The following ADAM23 variants were observed in gnomAD, a reference collection of about 807,000 sequenced individuals.
ADAM23 encodes the protein disintegrin and metalloproteinase domain-containing protein 23.
Under a neutral mutation model 120.1 loss-of-function variants are expected in ADAM23, and 33 were observed. The observed-to-expected ratio is 0.27, with a 90% confidence interval of 0.21 to 0.37. The LOEUF is 0.37. ADAM23 is among the 10% of genes least tolerant of loss of function. ADAM23 has a pLI of 1.00. For missense variants in ADAM23, 862 were observed against 1,058.2 expected, an observed-to-expected ratio of 0.81 and a Z score of 2.57; for synonymous variants, 367 against 375.2, an observed-to-expected ratio of 0.98 and a Z score of 0.25.
In ADAM23 at chr2:206,609,680, G is replaced by A; in HGVS notation, c.2360-230G>A. 3 of 462,984 alleles carry A rather than the reference G, an allele frequency of 6.5e-6. 1 individual carries two copies. The South Asian group carries it at 9.0e-5, about 14-fold the overall frequency. 28.7% of individuals were successfully genotyped at this position (462,984 alleles called of 1,614,324 possible). A position where few individuals can be genotyped will look rare whatever the true frequency, so the allele number is the denominator to read the frequency against. On this transcript the variant is annotated intron_variant, in intron 24 of 25. Transcript: ENST00000264377. ...AATTCTGTGAAAGGTGAATTTAATG[G>A]AACTTAATTGTCAATGGTGCAGAAA...
intron 25 of ADAM23, among the ~76,000 whole-genome samples, chr2:206,615,871 T>C (rs1219019753): frequency 1.3e-5 from 2 of 152,244 alleles, no homozygotes; most frequent in Non-Finnish European, 1.5e-5. Flanking sequence ...AAAAGTGGAC[T>C]GCATTGCTGT....
chr2:206,485,766 CAA>C (rs985952577), intron 3 of ADAM23, among the ~76,000 whole-genome samples: 34 of 152,130 alleles, frequency 2.2e-4, no homozygotes, highest in African/African-American at 7.0e-4. Flanking sequence ...GAGGAGGAGG[CAA>C]ACAGTGGGCC....
intron 4 of ADAM23, among the ~76,000 whole-genome samples, chr2:206,536,380 A>G (rs1697176108): frequency 6.6e-6 from 1 of 151,964 alleles, no homozygotes; most frequent in South Asian, 2.1e-4. Flanking sequence ...AAAAACCACA[A>G]ATACTTTTGC....
intron 13 of ADAM23, among the ~76,000 whole-genome samples, chr2:206,562,852 A>G (rs2105823853): frequency 6.6e-6 from 1 of 152,334 alleles, no homozygotes; most frequent in South Asian, 2.1e-4. Context: ...GCAGGTCCAA[A>G]AAGGAGAACC....
At chr2:206,610,869 C>T (rs1277398501) in intron 25 of ADAM23, among the ~76,000 whole-genome samples, 10 of 152,106 alleles carry the variant, frequency 6.6e-5, no homozygotes, top group African/African-American at 2.4e-4. Context: ...TCCTGTGCCT[C>T]CTGTGATAAA....
chr2:206,560,665 C>A (rs1163261599), intron 11 of ADAM23, among the ~76,000 whole-genome samples: 1 of 152,160 alleles, frequency 6.6e-6, no homozygotes, highest in Non-Finnish European at 1.5e-5. Flanking sequence ...CTTCCCCAGT[C>A]ATGGCAAAGC....
intron 25 of ADAM23, among the ~76,000 whole-genome samples, chr2:206,612,335 A>G (rs543664077): frequency 6.6e-6 from 1 of 152,372 alleles, no homozygotes; most frequent in South Asian, 2.1e-4. Context: ...GATAATTCGT[A>G]AGTATAATTA....
chr2:206,586,372 G>A (rs1698321887), intron 18 of ADAM23, among the ~76,000 whole-genome samples: 1 of 152,118 alleles, frequency 6.6e-6, no homozygotes, highest in Admixed American at 6.5e-5. Flanking sequence ...CAGGGTGTGA[G>A]CAGTGGAGGT....
chr2:206,560,371 G>A (rs562714948), intron 11 of ADAM23, among the ~76,000 whole-genome samples: 3 of 151,716 alleles, frequency 2.0e-5, no homozygotes, highest in Non-Finnish European at 4.4e-5. Context: ...TAGGATGCCT[G>A]CTGGCCCTCC....
chr2:206,514,945 T>C (rs1298113360), intron 3 of ADAM23, among the ~76,000 whole-genome samples: 1 of 152,220 alleles, frequency 6.6e-6, no homozygotes, highest in Non-Finnish European at 1.5e-5. Flanking sequence ...GAGTACAGTA[T>C]AGTGTAAACC....
rs1333935984 is a variant in ADAM23, at chr2:206,462,643, A to G, written c.432+17119A>G. On this transcript the variant is annotated intron_variant, in intron 2 of 25. Coordinates refer to ENST00000264377, the MANE Select transcript of ADAM23 (RefSeq NM_003812.4). ...AGAAAAGTAAACTTGGAGACTCAGCAAGAACAGCTGGAACCCAAGTACCCC... is the reference window on the plus strand; with the variant it reads ...AGAAAAGTAAACTTGGAGACTCAGCGAGAACAGCTGGAACCCAAGTACCCC... Among the ~76,000 whole-genome samples the G allele has an allele frequency of 4.6e-5, 7 of 152,264 alleles. No homozygotes were observed. The East Asian group carries it at 9.7e-4, about 21-fold the overall frequency.
intron 2 of ADAM23, among the ~76,000 whole-genome samples, chr2:206,477,314 G>A (rs147516943): frequency 3.3e-5 from 5 of 152,302 alleles, no homozygotes; most frequent in East Asian, 3.9e-4. Context: ...GGAGGTTTGT[G>A]TATATAATTG....
chr2:206,519,917 A>G (rs1006669128), intron 3 of ADAM23, among the ~76,000 whole-genome samples: 2 of 152,130 alleles, frequency 1.3e-5, no homozygotes, highest in African/African-American at 4.8e-5. Flanking sequence ...TGGGAGGCCA[A>G]GGTGGGAGAA....
intron 2 of ADAM23, among the ~76,000 whole-genome samples, chr2:206,447,822 T>C (rs1277415623): frequency 6.6e-6 from 1 of 152,232 alleles, no homozygotes; most frequent in Admixed American, 6.5e-5. Context: ...AAATGCTGAA[T>C]CACTGTGCCT....
intron 18 of ADAM23, among the ~76,000 whole-genome samples, chr2:206,584,451 A>T (rs992679466): frequency 6.6e-6 from 1 of 152,100 alleles, no homozygotes; most frequent in African/African-American, 2.4e-5. Flanking sequence ...CTTCCACTAT[A>T]ATCAGCTCTT....
At chr2:206,465,119 C>T (rs977493429) in intron 2 of ADAM23, among the ~76,000 whole-genome samples, 3 of 152,040 alleles carry the variant, frequency 2.0e-5, no homozygotes, top group East Asian at 3.9e-4. Context: ...GATCGTTGCT[C>T]GCCGTAGCCT....
chr2:206,567,199 A>G (rs1479148656), intron 14 of ADAM23, 24 bp from the exon 15 acceptor site: 3 of 1,539,066 alleles, frequency 1.9e-6, no homozygotes, highest in South Asian at 2.3e-5. Context: ...AATTATTTAC[A>G]TAGTTGATTC....
chr2:206,605,663 T>G, intron 24 of ADAM23: 1 of 645,676 alleles, frequency 1.5e-6, no homozygotes, highest in East Asian at 2.8e-5. Context: ...TAATTTCAAA[T>G]CTTATAGCAA....
intron 24 of ADAM23, among the ~76,000 whole-genome samples, chr2:206,601,439 C>G (rs1277029205): frequency 2.6e-5 from 4 of 152,044 alleles, no homozygotes; most frequent in Non-Finnish European, 5.9e-5. Flanking sequence ...TTATCTTGAG[C>G]CAAATGCTTT....
Sources: gnomAD v4.1 joint callset for allele counts (sites outside exome capture counted in the v4.1 genomes callset) on GRCh38, gnomAD v4.1.1 for gene constraint, MANE v1.5 for transcripts, NCBI Gene and HGNC (gene_info 2026-07-23, HGNC 2026-07-21) for gene names.